ZFYVE9: variants seen among roughly 807,000 people sequenced by gnomAD.
ZFYVE9 encodes zinc finger FYVE domain-containing protein 9.
Under a neutral mutation model 126.7 loss-of-function variants are expected in ZFYVE9, and 43 were observed. The observed-to-expected ratio is 0.34, with a 90% CI of 0.27 to 0.44. The LOEUF (loss-of-function observed/expected upper bound fraction) is 0.44, where lower values mean the gene tolerates loss of function less well. Ranked by LOEUF, ZFYVE9 falls within the 20% of genes least tolerant of loss-of-function variation. The pLI, the probability that ZFYVE9 is intolerant of heterozygous loss-of-function variation, is 1.00. For missense variants in ZFYVE9, 1,476 were observed against 1,697.0 expected (o/e 0.87, Z 2.29); for synonymous variants, 521 against 597.4 (o/e 0.87, Z 1.87).
chr1:52,193,067 C>G (rs1388833567), intron 1 of ZFYVE9, among the ~76,000 whole-genome samples: 1 of 152,088 alleles, frequency 6.6e-6, no homozygotes, highest in Non-Finnish European at 1.5e-5. Flanking sequence ...TATTGAACCC[C>G]CATTTGAACT....
chr1:52,224,429 T>C (rs1227437221), intron 2 of ZFYVE9, among the ~76,000 whole-genome samples: 1 of 152,130 alleles, frequency 6.6e-6, no homozygotes, highest in East Asian at 1.9e-4. Context: ...AGGTCGTCTT[T>C]GGGAGGTATT....
chr1:52,162,650 G>A, intron 1 of ZFYVE9: 1 of 277,534 alleles, frequency 3.6e-6, no homozygotes, highest in Non-Finnish European at 7.4e-6. Flanking sequence ...ACAAACTAAG[G>A]CCAAACACTC....
chr1:52,199,019 C>G (rs1313694335), intron 1 of ZFYVE9, among the ~76,000 whole-genome samples: 1 of 151,078 alleles, frequency 6.6e-6, no homozygotes. Flanking sequence ...CCTTAAAAAT[C>G]TTTTTGCTCT....
chr1:52,217,869 T>A (rs1251545525), intron 2 of ZFYVE9, among the ~76,000 whole-genome samples: 11 of 152,216 alleles, frequency 7.2e-5, no homozygotes, highest in Admixed American at 6.5e-4. Flanking sequence ...CAACACCATG[T>A]CAAGGGTTAT....
chr1:52,320,889 A>AT (rs537980060), intron 13 of ZFYVE9, among the ~76,000 whole-genome samples: 17 of 150,104 alleles, frequency 1.1e-4, no homozygotes, highest in East Asian at 5.8e-4. Context: ...AAAATACATC[A>AT]TTTTTTTTTT....
intron 1 of ZFYVE9, among the ~76,000 whole-genome samples, chr1:52,165,320 TAGAC>T (rs1644502776): frequency 6.6e-6 from 1 of 152,102 alleles, no homozygotes; most frequent in African/African-American, 2.4e-5. Flanking sequence ...TCAGTGTAAT[TAGAC>T]AAGAAAGAAA....
intron 8 of ZFYVE9, among the ~76,000 whole-genome samples, chr1:52,275,994 G>C (rs902127928): frequency 7.3e-6 from 1 of 137,338 alleles, no homozygotes; most frequent in Admixed American, 8.2e-5. Flanking sequence ...CACAACCTCC[G>C]CCTCCCGGGT....
chr1:52,316,165 C>CAAAAAAAAAAAA (rs367815611), intron 13 of ZFYVE9, among the ~76,000 whole-genome samples: 1 of 39,214 alleles, frequency 2.6e-5, no homozygotes, highest in Non-Finnish European at 4.3e-5. Context: ...AACTCCATCT[C>CAAAAAAAAAAAA]AAAAAAAAAA....
chr1:52,293,744 T>A, intron 11 of ZFYVE9, 67 bp downstream of exon 11: 2 of 1,438,190 alleles, frequency 1.4e-6, no homozygotes, highest in Non-Finnish European at 9.6e-7. Flanking sequence ...TTCAGAGCCC[T>A]CTGTTTGGTG....
chr1:52,237,345 T>A, intron 3 of ZFYVE9, 143 bp from the exon 4 acceptor site: 1 of 737,952 alleles, frequency 1.4e-6, no homozygotes, highest in Non-Finnish European at 2.1e-6. Flanking sequence ...GAAATATATT[T>A]TCTTATTTTT....
chr1:52,297,853 G>A (rs1461709830), intron 12 of ZFYVE9, among the ~76,000 whole-genome samples: 1 of 151,902 alleles, frequency 6.6e-6, no homozygotes, highest in Non-Finnish European at 1.5e-5. Flanking sequence ...CTCCCCAGTA[G>A]CTGGAATTAC....
chr1:52,286,001 A>G (rs1645854629), intron 10 of ZFYVE9, among the ~76,000 whole-genome samples: 1 of 151,962 alleles, frequency 6.6e-6, no homozygotes, highest in Non-Finnish European at 1.5e-5. Flanking sequence ...CTAAAAATAC[A>G]AAAAATTAGC....
Position 52,181,174 on chromosome 1 carries a change from A to G in ZFYVE9, c.-142-35195A>G, listed in dbSNP as rs1448824790. Among the ~76,000 whole-genome samples, 3 of 150,772 alleles carry G rather than the reference A, an allele frequency of 2.0e-5. No homozygotes were observed. In the East Asian group the frequency reaches 6.0e-4, roughly 30 times the overall value. ...ACTGCTGCCATCTCGGCTCACTGCA[A>G]CCTCCCTGCCTGATTCTCCTGCCTC... is the stretch of plus-strand genomic sequence containing the variant. On this transcript the variant is annotated intron_variant, in intron 1 of 18. Transcript: ENST00000287727.
chr1:52,298,625 G>A (rs1646000455), intron 12 of ZFYVE9, among the ~76,000 whole-genome samples: 1 of 151,886 alleles, frequency 6.6e-6, no homozygotes, highest in Non-Finnish European at 1.5e-5. Context: ...GGCCATTTGA[G>A]GCCTTTTGTG....
intron 10 of ZFYVE9, among the ~76,000 whole-genome samples, chr1:52,289,621 G>A (rs1645898087): frequency 1.3e-5 from 2 of 152,168 alleles, no homozygotes; most frequent in South Asian, 4.1e-4. Context: ...GAATTCAAGA[G>A]CTTCAGATTA....
chr1:52,309,812 A>AGG (rs1292096886), intron 13 of ZFYVE9, among the ~76,000 whole-genome samples: 1 of 152,108 alleles, frequency 6.6e-6, no homozygotes, highest in Non-Finnish European at 1.5e-5. Context: ...ATGAGGAGGG[A>AGG]GGGAGGGACT....
rs573533133 is a variant in ZFYVE9, at chr1:52,322,608, C to T, written c.3439-10160C>T. ...GGCCAGGCTGGTCTCGAACTCCTGA[C>T]CTTGTGACCTGCCCGCCTTGGCCTC... On this transcript the variant is annotated intron_variant, in intron 13 of 18. Coordinates refer to ENST00000287727, the MANE Select transcript of ZFYVE9 (RefSeq NM_004799.4). Among the ~76,000 whole-genome samples the T allele has an allele frequency of 3.3e-5, 5 of 151,818 alleles. No homozygotes were observed. The East Asian group carries it at 9.7e-4, about 30-fold the overall frequency.
chr1:52,191,354 T>G (rs994690849), intron 1 of ZFYVE9, among the ~76,000 whole-genome samples: 3 of 152,208 alleles, frequency 2.0e-5, no homozygotes, highest in African/African-American at 7.2e-5. Flanking sequence ...TTAATTTGGC[T>G]AAGGTCACTG....
chr1:52,143,242 A>C (rs1168191048), intron 1 of ZFYVE9, among the ~76,000 whole-genome samples: 2 of 152,236 alleles, frequency 1.3e-5, no homozygotes, highest in Non-Finnish European at 2.9e-5. Context: ...AGTCCTCTTT[A>C]AGTGCCAGCT....
Sources: gnomAD v4.1 joint callset for allele counts (sites outside exome capture counted in the v4.1 genomes callset) on GRCh38, gnomAD v4.1.1 for gene constraint, MANE v1.5 for transcripts, NCBI Gene and HGNC (gene_info 2026-07-23, HGNC 2026-07-21) for gene names.